The following KCMF1 variants were observed in gnomAD, a reference collection of about 807,000 sequenced individuals.
The protein encoded by KCMF1 is potassium channel modulatory factor 1, also known as E3 ubiquitin-protein ligase KCMF1.
In KCMF1, 3 loss-of-function variants were observed where a neutral mutation model predicts 41.1. That is an observed-to-expected ratio of 0.07 (90% confidence interval 0.03 to 0.19). The LOEUF is 0.19. Ranked by LOEUF, KCMF1 falls within the 10% of genes least tolerant of loss-of-function variation. The pLI is 1.00. For synonymous variants in KCMF1, 142 were observed against 164.5 expected, an observed-to-expected ratio of 0.86 and a Z score of 1.04; for missense variants, 286 against 488.9, an observed-to-expected ratio of 0.58 and a Z score of 3.91.
intron 1 of KCMF1, among the ~76,000 whole-genome samples, chr2:85,021,889 T>C (rs886090565): frequency 8.5e-5 from 13 of 152,092 alleles, no homozygotes; most frequent in Non-Finnish European, 1.9e-4. Context: ...CGATCTCGGC[T>C]CACTACAACC....
chr2:85,013,149 A>C (rs1452864907), intron 1 of KCMF1, among the ~76,000 whole-genome samples: 1 of 152,182 alleles, frequency 6.6e-6, no homozygotes, highest in East Asian at 1.9e-4. Flanking sequence ...CTTAGTCTTC[A>C]TACTGTTTTA....
chr2:85,007,354 C>T (rs982924566), intron 1 of KCMF1, among the ~76,000 whole-genome samples: 10 of 152,190 alleles, frequency 6.6e-5, no homozygotes, highest in East Asian at 1.9e-4. Context: ...AGTCTGCCTT[C>T]GGCTTCCCCG....
intron 1 of KCMF1, among the ~76,000 whole-genome samples, chr2:84,990,300 C>G (rs1318468135): frequency 1.3e-5 from 2 of 152,240 alleles, no homozygotes; most frequent in Middle Eastern, 3.4e-3. Flanking sequence ...GCACCTAGTG[C>G]ATATTTTGGC....
At chr2:85,024,809 T>G (rs1675054079) in intron 1 of KCMF1, among the ~76,000 whole-genome samples, 1 of 152,164 alleles carries the variant, frequency 6.6e-6, no homozygotes. Flanking sequence ...AATCACCTGT[T>G]CAGCACCATT....
At chr2:84,981,845 A>G (rs1673763970) in intron 1 of KCMF1, among the ~76,000 whole-genome samples, 1 of 151,860 alleles carries the variant, frequency 6.6e-6, no homozygotes, top group Non-Finnish European at 1.5e-5. Context: ...GTACCGCAGT[A>G]TCAGCTCAGC....
intron 3 of KCMF1, among the ~76,000 whole-genome samples, chr2:85,039,809 T>C (rs977377162): frequency 6.6e-6 from 1 of 151,900 alleles, no homozygotes; most frequent in Non-Finnish European, 1.5e-5. Flanking sequence ...TGAATACAAA[T>C]GTTTTTTCCT....
intron 1 of KCMF1, among the ~76,000 whole-genome samples, chr2:85,000,325 G>A (rs1376250010): frequency 6.0e-5 from 8 of 132,994 alleles, no homozygotes; most frequent in African/African-American, 2.7e-5. Context: ...GGGTTTCACC[G>A]TGTTAGCCAG....
rs1306979862 is a variant in KCMF1 at position 85,056,560 on chromosome 2, A to G, written c.*3151A>G. 6.6e-6 allele frequency: 1 copy of G among 152,200 alleles called. No homozygotes were observed. The highest frequency in any genetic ancestry group is 1.5e-5 in the Non-Finnish European group (1 of 68,032). 9.4% of individuals were successfully genotyped at this position (152,200 alleles called of 1,614,324 possible). ...ACATATATCAATAGTTCATAGCTCTAGTTAAGGACAAAGTGGGTTGGGGGG... is the reference window on the plus strand; with the variant it reads ...ACATATATCAATAGTTCATAGCTCTGGTTAAGGACAAAGTGGGTTGGGGGG... On this transcript the variant is annotated 3_prime_UTR_variant, in exon 7 of 7. Coordinates refer to ENST00000409785, the MANE Select transcript of KCMF1 (RefSeq NM_020122.5).
chr2:84,988,300 G>A (rs72928872), intron 1 of KCMF1, among the ~76,000 whole-genome samples: 5 of 152,092 alleles, frequency 3.3e-5, no homozygotes, highest in South Asian at 4.2e-4. Context: ...GGCAGCAAGG[G>A]GAGAAACTAA....
At chr2:84,979,091 C>T (rs1454538154) in intron 1 of KCMF1, among the ~76,000 whole-genome samples, 1 of 152,086 alleles carries the variant, frequency 6.6e-6, no homozygotes, top group Non-Finnish European at 1.5e-5. Flanking sequence ...CAAGTGATTC[C>T]CCCTTCTGCC....
intron 1 of KCMF1, among the ~76,000 whole-genome samples, chr2:84,985,704 C>T (rs545021797): frequency 9.2e-5 from 14 of 152,132 alleles, no homozygotes; most frequent in Non-Finnish European, 1.5e-4. Context: ...CAGTAAGTGC[C>T]TGTAATCCCA....
At chr2:85,003,755 C>CACTA (rs1674394464) in intron 1 of KCMF1, among the ~76,000 whole-genome samples, 1 of 151,976 alleles carries the variant, frequency 6.6e-6, no homozygotes, top group African/African-American at 2.4e-5. Flanking sequence ...TTTTCTAAGT[C>CACTA]ACTAATAAAA....
chr2:85,006,809 T>C (rs2103996660), intron 1 of KCMF1, among the ~76,000 whole-genome samples: 1 of 151,708 alleles, frequency 6.6e-6, no homozygotes, highest in East Asian at 1.9e-4. Context: ...ACTACTCATA[T>C]TAAGAAATAG....
intron 1 of KCMF1, among the ~76,000 whole-genome samples, chr2:85,007,101 C>CAAA (rs764401140): frequency 2.5e-4 from 13 of 51,862 alleles, no homozygotes; most frequent in Non-Finnish European, 4.5e-4. Flanking sequence ...AACTCAGTCT[C>CAAA]AAAAAAAAAA....
At chr2:85,038,985 G>C (rs781079581) in intron 3 of KCMF1, among the ~76,000 whole-genome samples, 27 of 152,224 alleles carry the variant, frequency 1.8e-4, no homozygotes, top group Middle Eastern at 3.2e-3. Flanking sequence ...CTCCCAAAGT[G>C]TTGGGGTTAC....
intron 1 of KCMF1, among the ~76,000 whole-genome samples, chr2:85,002,660 T>C (rs1438193480): frequency 6.6e-6 from 1 of 152,014 alleles, no homozygotes; most frequent in Non-Finnish European, 1.5e-5. Context: ...GGATCCAGGA[T>C]ACCAGGTTGC....
intron 1 of KCMF1, among the ~76,000 whole-genome samples, chr2:84,987,362 CT>C (rs35129683): frequency 6.6e-6 from 1 of 152,176 alleles, no homozygotes; most frequent in Non-Finnish European, 1.5e-5. Flanking sequence ...ACCTGTAGAC[CT>C]TTTTGCTGGA....
chr2:84,980,948 A>T (rs1014863085), intron 1 of KCMF1, among the ~76,000 whole-genome samples: 1 of 151,802 alleles, frequency 6.6e-6, no homozygotes, highest in South Asian at 2.1e-4. Flanking sequence ...GCCTAGCCTC[A>T]TCTCTTCTAT....
chr2:84,977,149 G>C (rs1673569190), intron 1 of KCMF1, among the ~76,000 whole-genome samples: 1 of 152,058 alleles, frequency 6.6e-6, no homozygotes, highest in Non-Finnish European at 1.5e-5. Context: ...AGAGTGTTGG[G>C]ATTACAGGTG....
Sources: gnomAD v4.1 joint callset for allele counts (sites outside exome capture counted in the v4.1 genomes callset) on GRCh38, gnomAD v4.1.1 for gene constraint, MANE v1.5 for transcripts, NCBI Gene and HGNC (gene_info 2026-07-23, HGNC 2026-07-21) for gene names.